GPSM1: variants seen among roughly 807,000 people sequenced by gnomAD.
The protein encoded by GPSM1 is G protein signaling modulator 1, also known as G protein-signaling modulator 1.
A neutral mutation model predicts 70.5 loss-of-function variants in GPSM1; 48 were observed. The ratio of observed to expected loss-of-function variants is 0.68; its 90% CI spans 0.54 to 0.87. The LOEUF is 0.87. Ranked by LOEUF, GPSM1 falls within the 40% of genes least tolerant of loss-of-function variation. The probability of loss-of-function intolerance (pLI) is 0.00; values close to 1 mark genes in which losing one functional copy is unlikely to be tolerated. For synonymous variants in GPSM1, 416 were observed against 430.1 expected (o/e 0.97, Z 0.41); for missense variants, 981 against 972.6 (o/e 1.01, Z -0.11).
rs1832375002 is a variant in GPSM1, at chr9:136,340,956, C to T, written c.1170C>T (p.Ala390=). 3 of 1,563,856 alleles carry T rather than the reference C, an allele frequency of 1.9e-6. No individual in the cohort carries two copies. Among genetic ancestry groups the T allele is most frequent in the Admixed American group, 3.8e-5 (2 of 52,936 alleles). The stretch of plus-strand genomic sequence containing the variant: ...TCGGCCGCCTGACCAGCCCGGCAGC[C>T]TCAGAGAAGCCTGACCTGGCCGGCT... ...LVLGRLTSPA[A]SEKPDLAGYE... The change falls in exon 9 of 14, where the codon GCC becomes GCT. Residue 390 remains alanine (A), a synonymous_variant. Coordinates refer to ENST00000440944, the MANE Select transcript of GPSM1 (RefSeq NM_001145638.3). The surrounding 1 kb of genome is among the most constrained non-coding windows in gnomAD (Gnocchi z 7.3).
chr9:136,332,018 T>A (rs1354538446), intron 1 of GPSM1: 2 of 398,344 alleles, frequency 5.0e-6, no homozygotes, highest in Non-Finnish European at 8.9e-6. Context: ...TGCCATCCCC[T>A]GCTGGGGAGG....
chr9:136,328,889 G>A (rs560030781), intron 1 of GPSM1, among the ~76,000 whole-genome samples: 2 of 152,304 alleles, frequency 1.3e-5, no homozygotes, highest in South Asian at 4.1e-4. Context: ...TGATCTGATC[G>A]GCTGTGCAGG....
At chr9:136,332,884 C>A (rs28420802) in intron 1 of GPSM1, among the ~76,000 whole-genome samples, 5 of 148,568 alleles carry the variant, frequency 3.4e-5, no homozygotes, top group African/African-American at 5.0e-5. Flanking sequence ...TGGTGCAAAC[C>A]TGAAGTCCCA....
intron 11 of GPSM1, among the ~76,000 whole-genome samples, chr9:136,354,093 C>T (rs1832745959): frequency 1.3e-5 from 2 of 152,272 alleles, no homozygotes; most frequent in South Asian, 4.2e-4. Flanking sequence ...TCAGGTCTGC[C>T]TCAGGGACAG....
At chr9:136,348,325 A>T (rs1203389185) in intron 9 of GPSM1, among the ~76,000 whole-genome samples, 7 of 152,154 alleles carry the variant, frequency 4.6e-5, no homozygotes, top group African/African-American at 7.2e-5. Context: ...GGGTGGCCTC[A>T]CAGAGGTGAC....
intron 11 of GPSM1, 128 bp downstream of exon 11, chr9:136,349,891 G>A (rs1177443434): frequency 2.0e-5 from 16 of 810,994 alleles, no homozygotes; most frequent in African/African-American, 6.9e-5. Flanking sequence ...GTCCCTCCCC[G>A]GTGCACCTGG....
rs939114441 is a variant in GPSM1 at position 136,355,899 on chromosome 9, G to C, written c.1612+53G>C. 5.5e-6 allele frequency: 8 copies of C among 1,457,620 alleles called. No homozygotes were observed. In the African/African-American group the frequency reaches 9.9e-5, roughly 18 times the overall value. 90.3% of individuals were successfully genotyped at this position (1,457,620 alleles called of 1,614,324 possible). On this transcript the variant is annotated intron_variant, in intron 12 of 13. Transcript: ENST00000440944. The stretch of plus-strand genomic sequence containing the variant: ...CCTTGGGCTTGTCTGCAGGGGCCAG[G>C]ACCAGGGCTCCCGTCCTGCTTCCAG...
intron 9 of GPSM1, among the ~76,000 whole-genome samples, chr9:136,346,518 A>G (rs116104172): frequency 0.014 from 2,090 of 152,276 alleles, 54 homozygotes; most frequent in African/African-American, 0.048. Flanking sequence ...AGCCGTCTGA[A>G]GCCCCCAGTG....
rs78524071 is a variant in GPSM1, at chr9:136,355,858, C to T, written c.1612+12C>T. The T allele has an allele frequency of 2.1e-5, 34 of 1,596,192 alleles. No homozygotes were observed. The highest frequency in any genetic ancestry group is 5.1e-5 in the Admixed American group (3 of 58,546). On this transcript the variant is annotated intron_variant, in intron 12 of 13. Transcript: ENST00000440944. ...GGAGGACAGGATCGGTGAGTGCCCCCCTCAGCCGGGCCCTCCCTTGGGCTT... is the reference window on the plus strand; with the variant it reads ...GGAGGACAGGATCGGTGAGTGCCCCTCTCAGCCGGGCCCTCCCTTGGGCTT...
intron 11 of GPSM1, among the ~76,000 whole-genome samples, chr9:136,353,689 T>C (rs1301272431): frequency 6.6e-6 from 1 of 152,188 alleles, no homozygotes; most frequent in Non-Finnish European, 1.5e-5. Context: ...GGGTCCTGCC[T>C]TTCCCAGGAG....
At chr9:136,338,377 C>A (rs1033683092) in intron 6 of GPSM1, among the ~76,000 whole-genome samples, 178 bp from the exon 7 acceptor site, 18 of 152,218 alleles carry the variant, frequency 1.2e-4, no homozygotes, top group African/African-American at 4.3e-4. Flanking sequence ...CCCCGTCCCC[C>A]TGGGGCCAAC....
rs1832938007 is a variant in GPSM1 at position 136,359,433 on chromosome 9, G to A, written c.*1213G>A. ...GGGCAGGGCCGCACCCGAGAGCAGG[G>A]ACAGGTGCCCGAACACAGGGTCTCC... On this transcript the variant is annotated 3_prime_UTR_variant, in exon 14 of 14. Coordinates refer to ENST00000440944, the MANE Select transcript of GPSM1 (RefSeq NM_001145638.3). The A allele has an allele frequency of 6.6e-6, 1 of 152,294 alleles. No individual in the cohort carries two copies. The highest frequency in any genetic ancestry group is 1.9e-4 in the East Asian group (1 of 5,258). 9.4% of individuals were successfully genotyped at this position (152,294 alleles called of 1,614,324 possible).
rs1564359111 is a variant in GPSM1, at chr9:136,356,450, C to T, written c.1721C>T (p.Pro574Leu). 7 of 1,611,382 alleles carry T rather than the reference C, an allele frequency of 4.3e-6. No homozygotes were observed. The highest frequency in any genetic ancestry group is 5.9e-6 in the Non-Finnish European group (7 of 1,179,016). ...DDQRASVGSL[P>L]GLRITHSNAG... ...CAGCGGGCCAGCGTGGGCAGCCTGC[C>T]GGGGCTGCGAATCACCCACAGCAAT... The change falls in exon 13 of 14, where the codon CCG (proline) becomes CTG (leucine). Residue 574 changes from proline to leucine, a missense_variant. Pro to Leu is a moderately conservative substitution (Grantham distance 98). Transcript: ENST00000440944.
intron 11 of GPSM1, among the ~76,000 whole-genome samples, chr9:136,353,621 GCCCGACATAGGAC>G (rs1554772490): frequency 6.6e-6 from 1 of 152,196 alleles, no homozygotes; most frequent in Non-Finnish European, 1.5e-5. Flanking sequence ...GGGGAGGGCT[GCCCGACATAGGAC>G]CCTGAGAGGG....
intron 11 of GPSM1, chr9:136,354,677 G>A: frequency 7.2e-6 from 2 of 277,756 alleles, no homozygotes; most frequent in Non-Finnish European, 1.1e-5. Context: ...GGGTGGACCT[G>A]CTTCAGCTGG....
At chr9:136,328,761 G>A (rs577232838) in intron 1 of GPSM1, among the ~76,000 whole-genome samples, 3 of 152,268 alleles carry the variant, frequency 2.0e-5, no homozygotes, top group East Asian at 3.9e-4. Context: ...GTCCTGGATG[G>A]AGCGCTGAGC....
At chr9:136,354,611 T>C (rs1036313461) in intron 11 of GPSM1, among the ~76,000 whole-genome samples, 3 of 152,144 alleles carry the variant, frequency 2.0e-5, no homozygotes, top group African/African-American at 7.2e-5. Context: ...CTTGGAACCA[T>C]CACAAACACC....
chr9:136,340,872 C>A lies in GPSM1; in HGVS notation c.1086C>A (p.Ile362=). Reference sequence around the variant, plus strand: ...CTCCGCCACCCCACTCGCCGCAGATCGGGGACCGCCATGGGGAGCTCACGG... The same window carrying A: ...CTCCGCCACCCCACTCGCCGCAGATAGGGGACCGCCATGGGGAGCTCACGG... ...AKKHLQISQE[I]GDRHGELTAR... The change falls in exon 9 of 14, where the codon ATC becomes ATA. Residue 362 remains isoleucine (I), a splice_region_variant and synonymous_variant. Transcript: ENST00000440944. This position sits in a 1 kb window ranked among gnomAD's most constrained non-coding sequence, Gnocchi z 7.3. The A allele has an allele frequency of 6.4e-7, 1 of 1,570,572 alleles. No homozygotes were observed. The highest frequency in any genetic ancestry group is 8.6e-7 in the Non-Finnish European group (1 of 1,160,266).
intron 3 of GPSM1, 37 bp from the exon 4 acceptor site, chr9:136,336,884 G>A (rs927514992): frequency 5.9e-6 from 9 of 1,532,720 alleles, no homozygotes; most frequent in Admixed American, 4.0e-5. Flanking sequence ...GTGGGGGGCC[G>A]TGGAGGCATG....
Sources: gnomAD v4.1 joint callset for allele counts (sites outside exome capture counted in the v4.1 genomes callset) on GRCh38, gnomAD v4.1.1 for gene constraint, Gnocchi (gnomAD v3.1) non-coding constraint, MANE v1.5 for transcripts, NCBI Gene and HGNC (gene_info 2026-07-23, HGNC 2026-07-21) for gene names.